EPB41L1: variants seen among roughly 807,000 people sequenced by gnomAD.
EPB41L1 encodes the protein erythrocyte membrane protein band 4.1 like 1.
Under a neutral mutation model 97.8 loss-of-function variants are expected in EPB41L1, and 29 were observed. The observed-to-expected ratio is 0.30, with a 90% CI of 0.22 to 0.40. The LOEUF (loss-of-function observed/expected upper bound fraction) is 0.40. Among genes scored for constraint, EPB41L1 ranks in the 10% least tolerant of loss-of-function variants. The pLI is 1.00. For missense variants in EPB41L1, 812 were observed against 1,162.3 expected (o/e 0.70, Z 4.38); for synonymous variants, 383 against 459.2 (o/e 0.83, Z 2.12).
At position 36,195,479 on chromosome 20, in the gene EPB41L1, C is replaced by T. The variant is rs1319500274; in HGVS notation, c.1485+115C>T. 1.6e-6 allele frequency: 2 copies of T among 1,222,954 alleles called. No individual in the cohort carries two copies. Among genetic ancestry groups the T allele is most frequent in the African/African-American group, 3.0e-5 (2 of 66,938 alleles). The allele number at this position is 1,222,954 out of a possible 1,614,324, so 75.8% of individuals were successfully genotyped here. On this transcript the variant is annotated intron_variant, in intron 13 of 21. Coordinates refer to ENST00000338074, the MANE Select transcript of EPB41L1 (RefSeq NM_012156.2). The surrounding 1 kb of genome is among the most constrained non-coding windows in gnomAD (Gnocchi z 4.6). ...CCTGGCACCATCTCAGCTTCAACTT[C>T]ATCTCTGCTCCCCAGCCATCCCCCT...
At position 36,093,300 on chromosome 20, in the gene EPB41L1, G is replaced by A. The variant is rs561491672; in HGVS notation, c.-65+1688G>A. ...GCGTGTGCCAGTGGCTTCGCTTGTGGCTGCAGCCTGTGGCGGGTGTGGGTG... is the reference window on the plus strand; with the variant it reads ...GCGTGTGCCAGTGGCTTCGCTTGTGACTGCAGCCTGTGGCGGGTGTGGGTG... On this transcript the variant is annotated intron_variant, in intron 1 of 19. Transcript: ENST00000202028. This position sits in a 1 kb window ranked among gnomAD's most constrained non-coding sequence, Gnocchi z 5.4. 1.6e-4 allele frequency among the ~76,000 whole-genome samples: 24 copies of A among 152,158 alleles called. No individual in the cohort carries two copies. Among genetic ancestry groups the A allele is most frequent in the South Asian group, 1.0e-3 (5 of 4,822 alleles).
chr20:36,132,303 G>C (rs1484252058), intron 2 of EPB41L1, among the ~76,000 whole-genome samples: 2 of 152,036 alleles, frequency 1.3e-5, no homozygotes, highest in Non-Finnish European at 2.9e-5. Context: ...AGCTCTCCAG[G>C]CCACCCACAT....
intron 1 of EPB41L1, among the ~76,000 whole-genome samples, chr20:36,094,754 C>T (rs1490913948): frequency 1.3e-5 from 2 of 152,118 alleles, no homozygotes; most frequent in African/African-American, 4.8e-5. Context: ...CCTTGAATCC[C>T]AGAATCCCGG....
At position 36,194,300 on chromosome 20, in the gene EPB41L1, G is replaced by C. The variant is rs879085926; in HGVS notation, c.1389G>C (p.Gly463=). 1 of 1,614,166 alleles carries C rather than the reference G, an allele frequency of 6.2e-7. No individual in the cohort carries two copies. Among genetic ancestry groups the C allele is most frequent in the Non-Finnish European group, 8.5e-7 (1 of 1,180,024 alleles). Residue 463 remains glycine, a synonymous_variant, in exon 12 of 22, where the codon GGG becomes GGC. Coordinates refer to ENST00000338074, the MANE Select transcript of EPB41L1 (RefSeq NM_012156.2). ...DKRDEDGESG[G]QRSEAEEGEV... ...GGGATGAGGATGGCGAGTCTGGGGG[G>C]CAACGGTCAGAGGCTGAGGAGGGAG...
intron 1 of EPB41L1, chr20:36,091,729 C>G (rs1453138791): frequency 6.6e-6 from 1 of 152,226 alleles, no homozygotes; most frequent in Non-Finnish European, 1.5e-5. Flanking sequence ...AAAGGAGGCT[C>G]AGGCTCATTA....
Position 36,093,693 on chromosome 20 carries a change from G to T in EPB41L1, c.-65+2081G>T, listed in dbSNP as rs540885882. 6.7e-6 allele frequency among the ~76,000 whole-genome samples: 1 copy of T among 149,282 alleles called. No individual in the cohort carries two copies. The highest frequency in any genetic ancestry group is 1.5e-5 in the Non-Finnish European group (1 of 67,276). ...CCCGTGTGCGTGCGTGCGTGCGTGT[G>T]TGTGTGTGTGTATGTGTATGCGTGC... is the stretch of plus-strand genomic sequence containing the variant. On this transcript the variant is annotated intron_variant, in intron 1 of 19. Transcript: ENST00000202028. The surrounding 1 kb of genome is among the most constrained non-coding windows in gnomAD (Gnocchi z 5.4).
At chr20:36,120,576 G>A (rs769806090) in intron 2 of EPB41L1, among the ~76,000 whole-genome samples, 5 of 152,162 alleles carry the variant, frequency 3.3e-5, no homozygotes, top group African/African-American at 4.8e-5. Context: ...TGGAGCCTGA[G>A]CCCTGGACAA....
intron 2 of EPB41L1, among the ~76,000 whole-genome samples, chr20:36,149,456 G>T (rs1432615211): frequency 6.6e-6 from 1 of 152,210 alleles, no homozygotes; most frequent in Admixed American, 6.5e-5. Flanking sequence ...AAGGTCTCTG[G>T]GAACTGCAGT....
chr20:36,218,101 A>G (rs1332547517), intron 17 of EPB41L1, among the ~76,000 whole-genome samples: 2 of 152,186 alleles, frequency 1.3e-5, no homozygotes, highest in Non-Finnish European at 1.5e-5. Flanking sequence ...TCTGAAGGGA[A>G]AGATTCCCAA....
rs1288465640 is a variant in EPB41L1, at chr20:36,214,372, G to C, written c.2200G>C (p.Ala734Pro). The C allele has an allele frequency of 1.2e-6, 2 of 1,613,700 alleles. No homozygotes were observed. Among genetic ancestry groups the C allele is most frequent in the Non-Finnish European group, 1.7e-6 (2 of 1,179,934 alleles). Residue 734 changes from alanine to proline, a missense_variant, in exon 17 of 22, where the codon GCC becomes CCC. Around this residue, in one of 3 missense-constraint regions of EPB41L1, gnomAD observed 498 missense variants for 622.7 expected, o/e 0.80. Coordinates refer to ENST00000338074, the MANE Select transcript of EPB41L1 (RefSeq NM_012156.2). ...MDNTQQVDGS[A>P]SVGREFIATT... ...CTCTGGTCAGCAGGTTGATGGGAGTGCCTCAGTGGGGAGGGAGTTCATAGC... is the reference window on the plus strand; with the variant it reads ...CTCTGGTCAGCAGGTTGATGGGAGTCCCTCAGTGGGGAGGGAGTTCATAGC...
intron 3 of EPB41L1, among the ~76,000 whole-genome samples, chr20:36,176,662 T>TG (rs1181674475): frequency 6.6e-6 from 1 of 150,826 alleles, no homozygotes; most frequent in African/African-American, 2.4e-5. Flanking sequence ...GACAGAGTCT[T>TG]GCTCTGTTGC....
intron 2 of EPB41L1, among the ~76,000 whole-genome samples, chr20:36,147,300 T>C (rs902567290): frequency 1.3e-5 from 2 of 152,216 alleles, no homozygotes; most frequent in African/African-American, 4.8e-5. Context: ...GGAAACTTTA[T>C]TGATGTTATA....
intron 2 of EPB41L1, among the ~76,000 whole-genome samples, chr20:36,143,851 T>C (rs1041264441): frequency 1.4e-4 from 21 of 151,832 alleles, no homozygotes; most frequent in African/African-American, 5.1e-4. Context: ...TTTTCTTTTT[T>C]TTTCTTTTTT....
At chr20:36,200,907 T>C in intron 14 of EPB41L1, 2 of 456,694 alleles carry the variant, frequency 4.4e-6, no homozygotes. Flanking sequence ...CAGCGGGACT[T>C]GGTACCTGAG....
At chr20:36,107,272 G>A (rs2058222794) in intron 1 of EPB41L1, among the ~76,000 whole-genome samples, 1 of 143,088 alleles carries the variant, frequency 7.0e-6, no homozygotes, top group African/African-American at 2.6e-5. Context: ...CCAGGCTGGA[G>A]TGCAATGGCA....
intron 2 of EPB41L1, among the ~76,000 whole-genome samples, chr20:36,134,130 G>C (rs1311647058): frequency 2.6e-5 from 4 of 152,196 alleles, no homozygotes; most frequent in Non-Finnish European, 5.9e-5. Flanking sequence ...AAGTGGCGGG[G>C]CTGGGATTTG....
rs2062849084 is a variant in EPB41L1, at chr20:36,206,893, C to G, written c.1669-2595C>G. 1 of 1,289,798 alleles carries G rather than the reference C, an allele frequency of 7.8e-7. No individual in the cohort carries two copies. Among genetic ancestry groups the G allele is most frequent in the Non-Finnish European group, 1.0e-6 (1 of 988,906 alleles). 79.9% of individuals were successfully genotyped at this position (1,289,798 alleles called of 1,614,324 possible). ...GAAGAAGCACCCTCCTCACAGAGGA[C>G]AGGGCGTGCATCCCGACCCCCAGGC... On this transcript the variant is annotated intron_variant, in intron 14 of 21. Coordinates refer to ENST00000338074, the MANE Select transcript of EPB41L1 (RefSeq NM_012156.2). This position sits in a 1 kb window ranked among gnomAD's most constrained non-coding sequence, Gnocchi z 5.5.
intron 14 of EPB41L1, among the ~76,000 whole-genome samples, chr20:36,204,592 C>A (rs1348285794): frequency 6.8e-6 from 1 of 146,750 alleles, no homozygotes; most frequent in Non-Finnish European, 1.5e-5. Flanking sequence ...CCAAGCAATT[C>A]TCCTGCCTCA....
chr20:36,164,284 C>T (rs186107554), intron 1 of EPB41L1, among the ~76,000 whole-genome samples: 19 of 152,314 alleles, frequency 1.2e-4, no homozygotes, highest in African/African-American at 4.6e-4. Flanking sequence ...ACAACCCAAG[C>T]GACATGGTTG....
Sources: gnomAD v4.1 joint callset for allele counts (sites outside exome capture counted in the v4.1 genomes callset) on GRCh38, gnomAD v4.1.1 for gene constraint, gnomAD v4.1.1 regional missense constraint, Gnocchi (gnomAD v3.1) non-coding constraint, MANE v1.5 for transcripts, NCBI Gene and HGNC (gene_info 2026-07-23, HGNC 2026-07-21) for gene names.